NYAP2: variants seen among roughly 807,000 people sequenced by gnomAD.
The protein encoded by NYAP2 is neuronal tyrosine-phosphorylated phosphoinositide-3-kinase adapter 2.
NYAP2 carries 23 observed loss-of-function variants against 50.4 expected under a neutral mutation model. The observed-to-expected ratio is 0.46, with a 90% CI of 0.33 to 0.65. The LOEUF is 0.65. Among genes scored for constraint, NYAP2 ranks in the 30% least tolerant of loss-of-function variants. The pLI, the probability that NYAP2 is intolerant of heterozygous loss-of-function variation, is 0.02. For synonymous variants in NYAP2, 394 were observed against 365.2 expected, an observed-to-expected ratio of 1.08 and a Z score of -0.90; for missense variants, 885 against 861.0, an observed-to-expected ratio of 1.03 and a Z score of -0.35.
At chr2:225,642,237 C>T (rs1371876211) in intron 6 of NYAP2, among the ~76,000 whole-genome samples, 1 of 151,554 alleles carries the variant, frequency 6.6e-6, no homozygotes, top group Non-Finnish European at 1.5e-5. Context: ...TGAAGCTGGT[C>T]GTATAAGCTG....
chr2:225,610,729 G>A lies in NYAP2; in HGVS notation c.1619-16188G>A, dbSNP rs937277733. The stretch of plus-strand genomic sequence containing the variant: ...TCATAGTTTTCAAAGTGCATTCTGT[G>A]TAATAATATATCTTTTGGAATTGTT... On this transcript the variant is annotated intron_variant, in intron 5 of 6. Coordinates refer to ENST00000636099, the Ensembl canonical transcript of NYAP2. Among the ~76,000 whole-genome samples, 7 of 152,234 alleles carry A rather than the reference G, an allele frequency of 4.6e-5. No individual in the cohort carries two copies. In the East Asian group the frequency reaches 1.2e-3, roughly 25 times the overall value.
At chr2:225,540,364 C>T (rs916590864) in intron 4 of NYAP2, among the ~76,000 whole-genome samples, 1 of 152,182 alleles carries the variant, frequency 6.6e-6, no homozygotes, top group African/African-American at 2.4e-5. Context: ...TTTTATTGGA[C>T]TTACAGTTCC....
intron 6 of NYAP2, among the ~76,000 whole-genome samples, chr2:225,638,996 T>A (rs976887848): frequency 3.3e-5 from 5 of 152,138 alleles, no homozygotes; most frequent in South Asian, 2.1e-4. Context: ...AACTGGGCAC[T>A]TAAGTTATTA....
intron 6 of NYAP2, among the ~76,000 whole-genome samples, chr2:225,644,573 A>C (rs980261930): frequency 6.6e-6 from 1 of 150,534 alleles, no homozygotes; most frequent in South Asian, 2.1e-4. Context: ...TTATGGTTTT[A>C]GGTCTAACGT....
the NYAP2 span, chr2:225,701,584 T>C: frequency 6.6e-6 from 1 of 151,814 alleles, no homozygotes; most frequent in Non-Finnish European, 1.5e-5. Context: ...AGTAGTCTAT[T>C]ACATAAACAC....
intron 5 of NYAP2, among the ~76,000 whole-genome samples, chr2:225,613,989 C>T (rs1001511747): frequency 6.6e-6 from 1 of 152,018 alleles, no homozygotes; most frequent in Non-Finnish European, 1.5e-5. Flanking sequence ...TTGTTTTTTT[C>T]TGAAACTTTG....
chr2:225,681,181 T>A, the NYAP2 span, among the ~76,000 whole-genome samples: 48 of 152,222 alleles, frequency 3.2e-4, 1 homozygote, highest in Non-Finnish European at 1.5e-5. Flanking sequence ...TCCTCCCAAC[T>A]TGTGGCTCTG....
chr2:225,440,808 G>T (rs1463383330), intron 3 of NYAP2, among the ~76,000 whole-genome samples: 1 of 152,128 alleles, frequency 6.6e-6, no homozygotes, highest in Non-Finnish European at 1.5e-5. Flanking sequence ...TCTCCTGGTG[G>T]GTAGGAATAA....
At chr2:225,481,624 G>A (rs1436641602) in intron 3 of NYAP2, among the ~76,000 whole-genome samples, 1 of 152,022 alleles carries the variant, frequency 6.6e-6, no homozygotes, top group Non-Finnish European at 1.5e-5. Context: ...TTACCTGTGA[G>A]CTACTTCTCT....
chr2:225,571,332 T>C (rs1485204177), intron 4 of NYAP2, among the ~76,000 whole-genome samples: 3 of 149,746 alleles, frequency 2.0e-5, no homozygotes, highest in Non-Finnish European at 3.0e-5. Context: ...GTATGGGGGC[T>C]CCCACCCCAC....
chr2:225,645,287 A>G (rs1260611478), intron 6 of NYAP2, among the ~76,000 whole-genome samples: 1 of 152,054 alleles, frequency 6.6e-6, no homozygotes, highest in Non-Finnish European at 1.5e-5. Flanking sequence ...TAAATTACAT[A>G]GTCCTACTGG....
chr2:225,407,897 A>C (rs1332561140), intron 2 of NYAP2, among the ~76,000 whole-genome samples: 1 of 151,860 alleles, frequency 6.6e-6, no homozygotes, highest in African/African-American at 2.4e-5. Context: ...ATTTGACATT[A>C]CTATTGCTGC....
At chr2:225,666,297 T>C in the NYAP2 span, among the ~76,000 whole-genome samples, 10 of 152,096 alleles carry the variant, frequency 6.6e-5, no homozygotes, top group Admixed American at 2.6e-4. Flanking sequence ...TCATCAACAT[T>C]AGTACTTGTT....
At chr2:225,535,785 A>G (rs1047912255) in intron 4 of NYAP2, among the ~76,000 whole-genome samples, 5 of 152,184 alleles carry the variant, frequency 3.3e-5, no homozygotes, top group Admixed American at 1.3e-4. Flanking sequence ...GGAACAGTGG[A>G]ACAGTTGGTA....
In NYAP2 at chr2:225,514,324, C is replaced by T. The variant is rs549314336; in HGVS notation, c.523+652C>T. Among the ~76,000 whole-genome samples the T allele has an allele frequency of 4.6e-5, 7 of 152,324 alleles. No individual in the cohort carries two copies. The East Asian group carries it at 1.4e-3, about 29-fold the overall frequency. On this transcript the variant is annotated intron_variant, in intron 4 of 6. Transcript: ENST00000636099. ...TGAATTTAGTAGAGTCTCAGCTTCC[C>T]TGAGTTACTCCTGAGAATTCCATGG...
At chr2:225,628,495 G>A (rs1299780638) in intron 6 of NYAP2, among the ~76,000 whole-genome samples, 3 of 151,720 alleles carry the variant, frequency 2.0e-5, no homozygotes, top group Non-Finnish European at 4.4e-5. Context: ...CTAAGTTTTT[G>A]TATTTTTAAT....
At chr2:225,640,960 T>C (rs16866683) in intron 6 of NYAP2, among the ~76,000 whole-genome samples, 27,006 of 152,112 alleles carry the variant, frequency 0.18, 2,800 homozygotes, top group East Asian at 0.42. Flanking sequence ...TCTGATTCTA[T>C]TGGGGAAAAC....
At chr2:225,398,768 A>G (rs1387064847), upstream of NYAP2, among the ~76,000 whole-genome samples, 1 of 152,058 alleles carries the variant, frequency 6.6e-6, no homozygotes, top group Non-Finnish European at 1.5e-5. Context: ...TTAAAATTAA[A>G]CAGATGTCCT....
intron 4 of NYAP2, among the ~76,000 whole-genome samples, chr2:225,572,558 A>G (rs955260224): frequency 7.2e-5 from 11 of 152,206 alleles, no homozygotes; most frequent in African/African-American, 2.7e-4. Context: ...CCCATGATTC[A>G]ATTACTTCTC....
Sources: gnomAD v4.1 joint callset for allele counts (sites outside exome capture counted in the v4.1 genomes callset) on GRCh38, gnomAD v4.1.1 for gene constraint, MANE v1.5 for transcripts, NCBI Gene and HGNC (gene_info 2026-07-23, HGNC 2026-07-21) for gene names.